BRINP3: variants seen among roughly 807,000 people sequenced by gnomAD.
The protein encoded by BRINP3 is BMP/retinoic acid inducible neural specific 3, also known as BMP/retinoic acid-inducible neural-specific protein 3.
BRINP3 carries 19 observed loss-of-function variants against 71.0 expected under a neutral mutation model. That is an observed-to-expected ratio of 0.27 (90% CI 0.19 to 0.39). BRINP3 has a LOEUF of 0.39. Among genes scored for constraint, BRINP3 ranks in the 10% least tolerant of loss-of-function variants. The pLI, the probability that BRINP3 is intolerant of heterozygous loss-of-function variation, is 1.00. For missense variants in BRINP3, 959 were observed against 940.8 expected, an observed-to-expected ratio of 1.02 and a Z score of -0.25; for synonymous variants, 380 against 337.7, an observed-to-expected ratio of 1.13 and a Z score of -1.37.
rs180790476 is a variant in BRINP3, at chr1:190,443,699, C to T, written c.236+10956G>A. On this transcript the variant is annotated intron_variant, in intron 2 of 7. Coordinates refer to ENST00000367462, the MANE Select transcript of BRINP3 (RefSeq NM_199051.3). ...GGCTTGCCAAACCAATGTCTGTTATCCTTGCCAAGATAAACTGAGAGGTTT... is the reference window on the plus strand; with the variant it reads ...GGCTTGCCAAACCAATGTCTGTTATTCTTGCCAAGATAAACTGAGAGGTTT... 2.5e-3 allele frequency among the ~76,000 whole-genome samples: 377 copies of T among 152,222 alleles called. 1 individual carries two copies. Among genetic ancestry groups the T allele is most frequent in the African/African-American group, 8.7e-3 (363 of 41,554 alleles).
chr1:190,425,959 A>G (rs1572017212), intron 2 of BRINP3, among the ~76,000 whole-genome samples: 1 of 151,938 alleles, frequency 6.6e-6, no homozygotes, highest in South Asian at 2.1e-4. Context: ...TTTATTTTTA[A>G]TCAGCAAAAA....
At chr1:190,287,272 A>G (rs1663504700) in intron 2 of BRINP3, among the ~76,000 whole-genome samples, 1 of 151,934 alleles carries the variant, frequency 6.6e-6, no homozygotes, top group Non-Finnish European at 1.5e-5. Context: ...TCAACATCTC[A>G]CAAATGACAC....
At chr1:190,462,053 T>C (rs74706260) in intron 1 of BRINP3, among the ~76,000 whole-genome samples, 2,766 of 152,132 alleles carry the variant, frequency 0.018, 51 homozygotes, top group Middle Eastern at 0.051. Context: ...ACTGGAATTA[T>C]AGGCATGCAC....
At chr1:190,202,559 A>G (rs924981115) in intron 6 of BRINP3, among the ~76,000 whole-genome samples, 1 of 152,060 alleles carries the variant, frequency 6.6e-6, no homozygotes, top group Non-Finnish European at 1.5e-5. Context: ...GGTTGGCTCT[A>G]TGTCCCCACC....
In BRINP3 at chr1:190,405,223, G is replaced by A. The variant is rs185157776; in HGVS notation, c.236+49432C>T. ...TCCCAGCACTTTGGGAGGCCGAGGC[G>A]GGCGGATCACGAGGTCAGCAGATCG... is the stretch of plus-strand genomic sequence containing the variant. On this transcript the variant is annotated intron_variant, in intron 2 of 7. Coordinates refer to ENST00000367462, the MANE Select transcript of BRINP3 (RefSeq NM_199051.3). 3.9e-4 allele frequency among the ~76,000 whole-genome samples: 60 copies of A among 151,906 alleles called. 2 individuals are homozygous for A. In the East Asian group the frequency reaches 0.011, roughly 28 times the overall value.
chr1:190,459,598 T>C (rs1427209422), intron 1 of BRINP3, among the ~76,000 whole-genome samples: 2 of 152,042 alleles, frequency 1.3e-5, no homozygotes, highest in East Asian at 1.9e-4. Context: ...CAGTATCTTA[T>C]TATCCACAAC....
intron 7 of BRINP3, among the ~76,000 whole-genome samples, chr1:190,156,915 T>C (rs1184343946): frequency 4.6e-5 from 7 of 152,042 alleles, no homozygotes; most frequent in Admixed American, 1.3e-4. Context: ...ATTACAAAAC[T>C]TGAACTTGTA....
chr1:190,351,172 A>G (rs541633358), intron 2 of BRINP3, among the ~76,000 whole-genome samples: 1 of 152,200 alleles, frequency 6.6e-6, no homozygotes, highest in East Asian at 1.9e-4. Flanking sequence ...ATGTCACTTA[A>G]GAGAATAAAA....
chr1:190,236,150 T>TA (rs1658498645), intron 4 of BRINP3, among the ~76,000 whole-genome samples: 1 of 151,758 alleles, frequency 6.6e-6, no homozygotes. Context: ...AGTTCAATTG[T>TA]AAAAAACAAG....
intron 7 of BRINP3, among the ~76,000 whole-genome samples, chr1:190,129,891 G>A (rs1021751073): frequency 1.3e-5 from 2 of 151,910 alleles, no homozygotes; most frequent in Non-Finnish European, 2.9e-5. Flanking sequence ...TGGTGAACAC[G>A]AATCCATTCT....
intron 2 of BRINP3, among the ~76,000 whole-genome samples, chr1:190,324,671 A>G (rs1666466696): frequency 6.6e-6 from 1 of 151,934 alleles, no homozygotes; most frequent in Non-Finnish European, 1.5e-5. Context: ...CTAAGAATCA[A>G]ATTTGTCTAA....
Position 190,196,929 on chromosome 1 carries a change from A to C in BRINP3, c.961+29153T>G, listed in dbSNP as rs76966709. Among the ~76,000 whole-genome samples, 25 of 149,116 alleles carry C rather than the reference A, an allele frequency of 1.7e-4. No individual in the cohort carries two copies. The East Asian group carries it at 4.7e-3, about 28-fold the overall frequency. ...AAGCTCATCGTTATTATAAATAATA[A>C]ATTATTTATAATATAATAAAATACA... On this transcript the variant is annotated intron_variant, in intron 6 of 7. Coordinates refer to ENST00000367462, the MANE Select transcript of BRINP3 (RefSeq NM_199051.3).
Position 190,098,957 on chromosome 1 carries a change from T to A in BRINP3, c.1362A>T (p.Pro454=). 1 of 1,614,170 alleles carries A rather than the reference T, an allele frequency of 6.2e-7. No homozygotes were observed. The highest frequency in any genetic ancestry group is 8.5e-7 in the Non-Finnish European group (1 of 1,180,042). The change falls in exon 8 of 8, where the codon CCA becomes CCT. Residue 454 remains proline, a synonymous_variant. Coordinates refer to ENST00000367462, the MANE Select transcript of BRINP3 (RefSeq NM_199051.3). Reference sequence around the variant, plus strand: ...AGGTGCCGCAGCGGGTGCGGTTGTCTGGTGCGCATGTCAGGCAGGCAGAGG... The same window carrying A: ...AGGTGCCGCAGCGGGTGCGGTTGTCAGGTGCGCATGTCAGGCAGGCAGAGG... ...GDASACLTCA[P]DNRTRCGTCN...
chr1:190,136,255 C>T (rs1380156666), intron 7 of BRINP3, among the ~76,000 whole-genome samples: 1 of 151,876 alleles, frequency 6.6e-6, no homozygotes, highest in Non-Finnish European at 1.5e-5. Context: ...ATAATTAATA[C>T]ATCCTTAGAG....
At chr1:190,296,011 T>C (rs969739091) in intron 2 of BRINP3, among the ~76,000 whole-genome samples, 1 of 151,496 alleles carries the variant, frequency 6.6e-6, no homozygotes, top group Non-Finnish European at 1.5e-5. Context: ...TTGGCCATCA[T>C]GATCTGGCTC....
chr1:190,388,173 A>G (rs1432195575), intron 2 of BRINP3, among the ~76,000 whole-genome samples: 1 of 151,794 alleles, frequency 6.6e-6, no homozygotes, highest in African/African-American at 2.4e-5. Context: ...TACCCTTAAA[A>G]CTGAATGGAA....
chr1:190,437,109 A>G (rs1411721047), intron 2 of BRINP3, among the ~76,000 whole-genome samples: 4 of 151,626 alleles, frequency 2.6e-5, no homozygotes, highest in Non-Finnish European at 4.4e-5. Flanking sequence ...TTATATTACC[A>G]TGTTTTCATT....
At chr1:190,154,371 A>C (rs992462606) in intron 7 of BRINP3, among the ~76,000 whole-genome samples, 10 of 152,170 alleles carry the variant, frequency 6.6e-5, no homozygotes, top group African/African-American at 2.4e-4. Flanking sequence ...TCTCTATCCT[A>C]AAGAGTGATC....
chr1:190,162,543 G>A (rs1363808289), intron 6 of BRINP3, among the ~76,000 whole-genome samples: 1 of 152,074 alleles, frequency 6.6e-6, no homozygotes, highest in Non-Finnish European at 1.5e-5. Flanking sequence ...ATGGAAATTG[G>A]AAAGCATTTC....
Sources: gnomAD v4.1 joint callset for allele counts (sites outside exome capture counted in the v4.1 genomes callset) on GRCh38, gnomAD v4.1.1 for gene constraint, MANE v1.5 for transcripts, NCBI Gene and HGNC (gene_info 2026-07-23, HGNC 2026-07-21) for gene names.